The following KCTD8 variants were observed in gnomAD, a reference collection of about 807,000 sequenced individuals.
KCTD8 encodes the protein BTB/POZ domain-containing protein KCTD8.
A neutral mutation model predicts 31.5 loss-of-function variants in KCTD8; 27 were observed. The observed-to-expected ratio is 0.86, with a 90% CI of 0.63 to 1.18. The LOEUF (loss-of-function observed/expected upper bound fraction) is 1.18, where lower values mean the gene tolerates loss of function less well. Among genes scored for constraint, KCTD8 ranks in the 50% most tolerant of loss-of-function variants. The pLI is 0.00. For missense variants in KCTD8, 658 were observed against 647.7 expected, an observed-to-expected ratio of 1.02 and a Z score of -0.17; for synonymous variants, 290 against 280.0, an observed-to-expected ratio of 1.04 and a Z score of -0.36.
chr4:44,381,263 T>C (rs1720055374), intron 1 of KCTD8, among the ~76,000 whole-genome samples: 1 of 152,026 alleles, frequency 6.6e-6, no homozygotes, highest in Non-Finnish European at 1.5e-5. Context: ...AATGCTTATC[T>C]CCAATTTACA....
chr4:44,390,940 T>A (rs1350886925), intron 1 of KCTD8, among the ~76,000 whole-genome samples: 1 of 151,900 alleles, frequency 6.6e-6, no homozygotes, highest in Admixed American at 6.6e-5. Context: ...TGACTAGGTA[T>A]CTACCCAGAG....
intron 1 of KCTD8, among the ~76,000 whole-genome samples, chr4:44,276,816 G>A (rs1716764392): frequency 6.6e-6 from 1 of 151,858 alleles, no homozygotes; most frequent in Non-Finnish European, 1.5e-5. Flanking sequence ...AATGAATTGA[G>A]CAAGTATCAT....
chr4:44,209,227 G>A (rs945958461), intron 1 of KCTD8, among the ~76,000 whole-genome samples: 1 of 152,008 alleles, frequency 6.6e-6, no homozygotes, highest in Non-Finnish European at 1.5e-5. Flanking sequence ...TTGCAATGTG[G>A]AATAGAGAAG....
chr4:44,405,008 C>A (rs1434570929), intron 1 of KCTD8, among the ~76,000 whole-genome samples: 1 of 152,082 alleles, frequency 6.6e-6, no homozygotes, highest in Non-Finnish European at 1.5e-5. Context: ...AATTACAGTT[C>A]AAAATAGATA....
chr4:44,346,246 C>A (rs1201063752), intron 1 of KCTD8, among the ~76,000 whole-genome samples: 1 of 152,082 alleles, frequency 6.6e-6, no homozygotes, highest in African/African-American at 2.4e-5. Context: ...ATCATAAGAT[C>A]ATTCTGCCTG....
intron 1 of KCTD8, among the ~76,000 whole-genome samples, chr4:44,220,643 G>T (rs1714780958): frequency 6.6e-6 from 1 of 152,092 alleles, no homozygotes; most frequent in African/African-American, 2.4e-5. Context: ...GGGCTTCTTA[G>T]TATTGAACAG....
intron 1 of KCTD8, among the ~76,000 whole-genome samples, chr4:44,364,696 G>A (rs1044756110): frequency 2.0e-5 from 3 of 152,058 alleles, no homozygotes; most frequent in African/African-American, 7.2e-5. Flanking sequence ...AGACCAATAA[G>A]CTGTGGCTTG....
intron 1 of KCTD8, among the ~76,000 whole-genome samples, chr4:44,220,287 G>A (rs1714770967): frequency 6.6e-6 from 1 of 152,080 alleles, no homozygotes; most frequent in African/African-American, 2.4e-5. Flanking sequence ...AGGCAAGTCT[G>A]GGAAGGATAT....
chr4:44,336,104 C>G (rs935951080), intron 1 of KCTD8, among the ~76,000 whole-genome samples: 3 of 132,858 alleles, frequency 2.3e-5, no homozygotes, highest in African/African-American at 8.5e-5. Context: ...GAGCCGAGAT[C>G]CCGCCACTGC....
chr4:44,231,733 G>A (rs550122280), intron 1 of KCTD8, among the ~76,000 whole-genome samples: 2 of 152,178 alleles, frequency 1.3e-5, no homozygotes, highest in Admixed American at 6.5e-5. Flanking sequence ...TTAATTTCAA[G>A]CTCCTATGAA....
At chr4:44,231,149 C>T (rs1577842938) in intron 1 of KCTD8, among the ~76,000 whole-genome samples, 2 of 152,100 alleles carry the variant, frequency 1.3e-5, no homozygotes, top group African/African-American at 4.8e-5. Flanking sequence ...GGTTGCTATT[C>T]AATAATCTCA....
intron 1 of KCTD8, among the ~76,000 whole-genome samples, chr4:44,431,455 C>A (rs539777915): frequency 1.3e-4 from 19 of 151,580 alleles, no homozygotes; most frequent in African/African-American, 4.6e-4. Flanking sequence ...ATCTATGATA[C>A]AAACATTTTG....
chr4:44,185,984 C>T (rs997076573), intron 1 of KCTD8, among the ~76,000 whole-genome samples: 2 of 152,142 alleles, frequency 1.3e-5, no homozygotes, highest in African/African-American at 4.8e-5. Flanking sequence ...AGGTCTCCAC[C>T]TTCGGGCCTG....
intron 1 of KCTD8, among the ~76,000 whole-genome samples, chr4:44,351,814 T>C (rs1278745121): frequency 6.6e-6 from 1 of 152,122 alleles, no homozygotes; most frequent in Non-Finnish European, 1.5e-5. Context: ...AGTTATTGGG[T>C]AGTTATAGCT....
intron 1 of KCTD8, among the ~76,000 whole-genome samples, chr4:44,306,531 G>A (rs1220268177): frequency 2.0e-5 from 3 of 151,920 alleles, no homozygotes; most frequent in South Asian, 2.1e-4. Flanking sequence ...CAACTGCACT[G>A]ATAAAAGAAG....
intron 1 of KCTD8, among the ~76,000 whole-genome samples, chr4:44,334,974 T>C (rs566920758): frequency 6.6e-6 from 1 of 152,216 alleles, no homozygotes; most frequent in East Asian, 1.9e-4. Flanking sequence ...TGACGAAATT[T>C]CAATTAGACA....
At chr4:44,269,562 C>T (rs923680334) in intron 1 of KCTD8, among the ~76,000 whole-genome samples, 2 of 151,914 alleles carry the variant, frequency 1.3e-5, no homozygotes, top group Non-Finnish European at 2.9e-5. Context: ...AACTAAAGAG[C>T]TTCTGCACAG....
chr4:44,281,534 G>C (rs939336871), intron 1 of KCTD8, among the ~76,000 whole-genome samples: 5 of 152,230 alleles, frequency 3.3e-5, no homozygotes, highest in Non-Finnish European at 7.4e-5. Flanking sequence ...TGACTGATAA[G>C]AATTTTCTGT....
At position 44,398,037 on chromosome 4, in the gene KCTD8, T is replaced by G. The variant is rs187221497; in HGVS notation, c.961+49526A>C. On this transcript the variant is annotated intron_variant, in intron 1 of 1. Transcript: ENST00000360029. ...GCACAGTCATGTTCCTGTAGGAAAA[T>G]CTTTGATAGAGAATTGAAATACATA... Among the ~76,000 whole-genome samples, 28 of 152,244 alleles carry G rather than the reference T, an allele frequency of 1.8e-4. No homozygotes were observed. In the East Asian group the frequency reaches 4.4e-3, roughly 24 times the overall value.
Sources: gnomAD v4.1 joint callset for allele counts (sites outside exome capture counted in the v4.1 genomes callset) on GRCh38, gnomAD v4.1.1 for gene constraint, MANE v1.5 for transcripts, NCBI Gene and HGNC (gene_info 2026-07-23, HGNC 2026-07-21) for gene names.